Variants in TP53AIP1 observed in about 807,000 individuals in gnomAD.
The protein encoded by TP53AIP1 is tumor protein p53 regulated apoptosis inducing protein 1, also known as p53-regulated apoptosis-inducing protein 1.
In TP53AIP1, 14 loss-of-function variants were observed where a neutral mutation model predicts 9.5. That is an observed-to-expected ratio of 1.47 (90% CI 0.97 to 2.30). The LOEUF (loss-of-function observed/expected upper bound fraction) is 2.30, where lower values mean the gene tolerates loss of function less well. TP53AIP1 is among the 30% of genes most tolerant of loss of function. The probability of loss-of-function intolerance (pLI) is 0.00; values close to 1 mark genes in which losing one functional copy is unlikely to be tolerated. For synonymous variants in TP53AIP1, 73 were observed against 61.2 expected, an observed-to-expected ratio of 1.19 and a Z score of -0.90; for missense variants, 153 against 146.7, an observed-to-expected ratio of 1.04 and a Z score of -0.22.
At chr11:128,936,335 T>G in intron 3 of TP53AIP1, 2 of 1,374,390 alleles carry the variant, frequency 1.5e-6, no homozygotes, top group South Asian at 3.5e-5. Context: ...CGTTACCTTT[T>G]ATTTTAATTT....
chr11:128,938,395 G>T (rs1944876660), intron 1 of TP53AIP1, among the ~76,000 whole-genome samples: 1 of 152,132 alleles, frequency 6.6e-6, no homozygotes, highest in African/African-American at 2.4e-5. Flanking sequence ...GATCAGAGCA[G>T]AACACAGAGC....
chr11:128,935,994 C>T, intron 3 of TP53AIP1: 2 of 926,912 alleles, frequency 2.2e-6, no homozygotes, highest in Non-Finnish European at 2.7e-6. Flanking sequence ...CGTACAGGTG[C>T]TGTTCTTAGC....
At chr11:128,940,027 C>T (rs1030238381) in intron 1 of TP53AIP1, among the ~76,000 whole-genome samples, 5 of 152,110 alleles carry the variant, frequency 3.3e-5, no homozygotes, top group African/African-American at 4.8e-5. Flanking sequence ...TGCACCCAGC[C>T]CCCCCTTGCT....
rs1406015936 is a variant in TP53AIP1 at position 128,937,478 on chromosome 11, A to G, written c.141+200T>C. The G allele has an allele frequency of 4.5e-6, 7 of 1,549,748 alleles. No individual in the cohort carries two copies. In the South Asian group the frequency reaches 4.9e-5, roughly 11 times the overall value. On this transcript the variant is annotated intron_variant, in intron 2 of 3. Transcript: ENST00000531399. The surrounding 1 kb of genome is among the most constrained non-coding windows in gnomAD (Gnocchi z 4.8). ...GAGGGCTGGCCTTCCTCTTGGGACTATTGATCAGGGCTGTCAGTTCCCAGC... is the reference window on the plus strand; with the variant it reads ...GAGGGCTGGCCTTCCTCTTGGGACTGTTGATCAGGGCTGTCAGTTCCCAGC...
In TP53AIP1 at chr11:128,935,411, A is replaced by T; in HGVS notation, c.*180T>A. ...ATTTCAGATTTGGGGATACAGAAGG[A>T]TGCAAAATGAGGCAACCTAGCCACC... On this transcript the variant is annotated 3_prime_UTR_variant, in exon 4 of 4. Coordinates refer to ENST00000531399, the MANE Select transcript of TP53AIP1 (RefSeq NM_022112.3). The T allele has an allele frequency of 7.0e-7, 1 of 1,418,682 alleles. No individual in the cohort carries two copies. Among genetic ancestry groups the T allele is most frequent in the Non-Finnish European group, 9.1e-7 (1 of 1,093,018 alleles). 87.9% of individuals were successfully genotyped at this position (1,418,682 alleles called of 1,614,324 possible).
intron 1 of TP53AIP1, among the ~76,000 whole-genome samples, chr11:128,938,711 C>T (rs1441042850): frequency 6.6e-6 from 1 of 152,172 alleles, no homozygotes; most frequent in African/African-American, 2.4e-5. Flanking sequence ...TCTGGAATGG[C>T]AGGCCCCGTC....
In TP53AIP1 at chr11:128,935,522, G is replaced by GTTTGTT. The variant is rs1418984059; in HGVS notation, c.*63_*68dup. On this transcript the variant is annotated 3_prime_UTR_variant, in exon 4 of 4. Coordinates refer to ENST00000531399, the MANE Select transcript of TP53AIP1 (RefSeq NM_022112.3). ...TCTCGACGGTGCTTTCTGTTTGTTTGTTTGTTTTTGTTTTGAGATGGAGTC... is the reference window on the plus strand; with the variant it reads ...TCTCGACGGTGCTTTCTGTTTGTTTGTTTGTTTTTGTTTTTGTTTTGAGATGGAGTC... 6.6e-4 allele frequency: 996 copies of GTTTGTT among 1,511,922 alleles called. 6 individuals carry two copies. The highest frequency in any genetic ancestry group is 1.1e-3 in the East Asian group (45 of 40,480). 93.7% of individuals were successfully genotyped at this position (1,511,922 alleles called of 1,614,324 possible).
At position 128,935,445 on chromosome 11, in the gene TP53AIP1, C is replaced by T. The variant is rs1944793958; in HGVS notation, c.*146G>A. 2 of 1,422,658 alleles carry T rather than the reference C, an allele frequency of 1.4e-6. No individual in the cohort carries two copies. The highest frequency in any genetic ancestry group is 1.4e-5 in the African/African-American group (1 of 69,440). The allele number at this position is 1,422,658 out of a possible 1,614,324, so 88.1% of individuals were successfully genotyped here. ...GAGGCAACCTAGCCACCCAACTGGC[C>T]CAGTGGTCAAGGGGGGAAATGAGGT... is the stretch of plus-strand genomic sequence containing the variant. On this transcript the variant is annotated 3_prime_UTR_variant, in exon 4 of 4. Coordinates refer to ENST00000531399, the MANE Select transcript of TP53AIP1 (RefSeq NM_022112.3).
At chr11:128,940,917 G>A (rs1468492911) in intron 1 of TP53AIP1, among the ~76,000 whole-genome samples, 1 of 152,192 alleles carries the variant, frequency 6.6e-6, no homozygotes, top group African/African-American at 2.4e-5. Flanking sequence ...GACAAGCCCG[G>A]GCAAGAGAGG....
At chr11:128,938,022 A>T (rs1435145730) in intron 1 of TP53AIP1, 128 bp from the exon 2 acceptor site, 1 of 609,644 alleles carries the variant, frequency 1.6e-6, no homozygotes, top group Non-Finnish European at 2.8e-6. Flanking sequence ...GCACCCAGAG[A>T]CCCTAGGGCT....
rs1314974694 is a variant in TP53AIP1, at chr11:128,939,909, G to T, written c.-76-2015C>A. On this transcript the variant is annotated intron_variant, in intron 1 of 3. Coordinates refer to ENST00000531399, the MANE Select transcript of TP53AIP1 (RefSeq NM_022112.3). This position sits in a 1 kb window ranked among gnomAD's most constrained non-coding sequence, Gnocchi z 4.1. Reference sequence around the variant, plus strand: ...AAGTGAAGCGTTAACACGAAGGAGGGTCCCAGCGGAGTTCATGCCGGGACT... The same window carrying T: ...AAGTGAAGCGTTAACACGAAGGAGGTTCCCAGCGGAGTTCATGCCGGGACT... 1.3e-5 allele frequency among the ~76,000 whole-genome samples: 2 copies of T among 152,150 alleles called. No homozygotes were observed. Among genetic ancestry groups the T allele is most frequent in the African/African-American group, 4.8e-5 (2 of 41,426 alleles).
At position 128,935,388 on chromosome 11, in the gene TP53AIP1, T is replaced by G. The variant is rs745356109; in HGVS notation, c.*203A>C. On this transcript the variant is annotated 3_prime_UTR_variant, in exon 4 of 4. Coordinates refer to ENST00000531399, the MANE Select transcript of TP53AIP1 (RefSeq NM_022112.3). ...ACAAGAATTTTTTTCCAGCTTTTAT[T>G]TCAGATTTGGGGATACAGAAGGATG... 1.4e-6 allele frequency: 2 copies of G among 1,415,214 alleles called. No homozygotes were observed. The highest frequency in any genetic ancestry group is 9.2e-7 in the Non-Finnish European group (1 of 1,090,876). 87.7% of individuals were successfully genotyped at this position (1,415,214 alleles called of 1,614,324 possible). A position where few individuals can be genotyped will look rare whatever the true frequency, so the allele number is the denominator to read the frequency against.
At position 128,936,417 on chromosome 11, in the gene TP53AIP1, T is replaced by G. The variant is rs557168400; in HGVS notation, c.253+121A>C. On this transcript the variant is annotated intron_variant, in intron 3 of 3. Coordinates refer to ENST00000531399, the MANE Select transcript of TP53AIP1 (RefSeq NM_022112.3). ...GATGTCATTTTGTCAGATGGCAAAT[T>G]TCAGGAGAGGGTCAAACTCAAAAAA... is the stretch of plus-strand genomic sequence containing the variant. 5 of 1,414,710 alleles carry G rather than the reference T, an allele frequency of 3.5e-6. No homozygotes were observed. The African/African-American group carries it at 7.2e-5, about 20-fold the overall frequency. 87.6% of individuals were successfully genotyped at this position (1,414,710 alleles called of 1,614,324 possible). A position where few individuals can be genotyped will look rare whatever the true frequency, so the allele number is the denominator to read the frequency against.
At chr11:128,936,456 C>T (rs1026139716) in intron 3 of TP53AIP1, 82 bp downstream of exon 3, 1 of 1,451,308 alleles carries the variant, frequency 6.9e-7, no homozygotes, top group South Asian at 1.4e-5. Flanking sequence ...TATGTCGTTA[C>T]CTGGATTTAT....
intron 1 of TP53AIP1, among the ~76,000 whole-genome samples, chr11:128,938,307 G>GC (rs1273668286): frequency 2.6e-5 from 4 of 152,094 alleles, no homozygotes; most frequent in Non-Finnish European, 5.9e-5. Flanking sequence ...TATCTCAGAG[G>GC]CCCGGCCTTC....
At chr11:128,941,289 C>T (rs1944937536) in intron 1 of TP53AIP1, among the ~76,000 whole-genome samples, 1 of 152,180 alleles carries the variant, frequency 6.6e-6, no homozygotes. Context: ...TGTTTCCTCT[C>T]CCTCCCCTGG....
At position 128,937,499 on chromosome 11, in the gene TP53AIP1, C is replaced by T; in HGVS notation, c.141+179G>A. The T allele has an allele frequency of 6.3e-7, 1 of 1,589,460 alleles. No individual in the cohort carries two copies. Among genetic ancestry groups the T allele is most frequent in the African/African-American group, 1.3e-5 (1 of 74,622 alleles). On this transcript the variant is annotated intron_variant, in intron 2 of 3. Coordinates refer to ENST00000531399, the MANE Select transcript of TP53AIP1 (RefSeq NM_022112.3). The surrounding 1 kb of genome is among the most constrained non-coding windows in gnomAD (Gnocchi z 4.8). ...GACTATTGATCAGGGCTGTCAGTTC[C>T]CAGCTCTGTCCAATGCTCTGAACTG...
chr11:128,936,924 C>G, intron 2 of TP53AIP1: 1 of 1,213,606 alleles, frequency 8.2e-7, no homozygotes, highest in Non-Finnish European at 1.0e-6. Context: ...CTTCCTCCCT[C>G]CCATCACCAC....
Position 128,939,757 on chromosome 11 carries a change from T to C in TP53AIP1, c.-76-1863A>G, listed in dbSNP as rs150326882. Among the ~76,000 whole-genome samples the C allele has an allele frequency of 2.0e-5, 3 of 152,382 alleles. No homozygotes were observed. Among genetic ancestry groups the C allele is most frequent in the African/African-American group, 4.8e-5 (2 of 41,590 alleles). On this transcript the variant is annotated intron_variant, in intron 1 of 3. Transcript: ENST00000531399. The surrounding 1 kb of genome is among the most constrained non-coding windows in gnomAD (Gnocchi z 4.1). ...TGCCATGAAATGACAGCTGCTTCTT[T>C]TGAAGAACTGGGCTATTCCCATGTA... is the stretch of plus-strand genomic sequence containing the variant.
Sources: allele counts gnomAD v4.1 joint callset (sites outside exome capture counted in the v4.1 genomes callset), GRCh38; gene constraint gnomAD v4.1.1; non-coding constraint Gnocchi (gnomAD v3.1); transcripts MANE v1.5; gene names NCBI Gene and HGNC (gene_info 2026-07-23, HGNC 2026-07-21).